The following F7 variants were observed in gnomAD, a reference collection of about 807,000 sequenced individuals.
F7 encodes FVII coagulation protein.
F7 carries 38 observed loss-of-function variants against 47.5 expected under a neutral mutation model. The ratio of observed to expected loss-of-function variants is 0.80; its 90% CI spans 0.62 to 1.05. The LOEUF (loss-of-function observed/expected upper bound fraction) is 1.05. Ranked by LOEUF, F7 falls within the 50% of genes least tolerant of loss-of-function variation. The probability of loss-of-function intolerance (pLI) is 0.00; values close to 1 mark genes in which losing one functional copy is unlikely to be tolerated. For synonymous variants in F7, 244 were observed against 258.5 expected (o/e 0.94, Z 0.54); for missense variants, 575 against 605.4 (o/e 0.95, Z 0.53).
chr13:113,116,502 C>T lies in F7; in HGVS notation c.506-264C>T, dbSNP rs546436216. 3.3e-5 allele frequency among the ~76,000 whole-genome samples: 5 copies of T among 152,382 alleles called. No homozygotes were observed. The East Asian group carries it at 9.6e-4, about 29-fold the overall frequency. ...AGAGGGCGGTTTTAAGACGTAAGCCCTCTGTTTCCTCCAAAACCAGCCCTG... is the reference window on the plus strand; with the variant it reads ...AGAGGGCGGTTTTAAGACGTAAGCCTTCTGTTTCCTCCAAAACCAGCCCTG... On this transcript the variant is annotated intron_variant, in intron 5 of 7. Coordinates refer to ENST00000346342, the MANE Select transcript of F7 (RefSeq NM_019616.4).
intron 2 of F7, 60 bp downstream of exon 2, chr13:113,110,910 C>A: frequency 6.6e-7 from 1 of 1,522,008 alleles, no homozygotes; most frequent in Non-Finnish European, 8.9e-7. Flanking sequence ...TGAACCAGGC[C>A]GCGTGGGGCC....
At chr13:113,114,469 A>C (rs2036159504) in intron 4 of F7, 1 of 189,990 alleles carries the variant, frequency 5.3e-6, no homozygotes, top group African/African-American at 2.4e-5. Flanking sequence ...TTATTACAGC[A>C]AAGGATGCAG....
chr13:113,117,042 G>A (rs1269917841), intron 6 of F7, 167 bp downstream of exon 6: 1 of 710,640 alleles, frequency 1.4e-6, no homozygotes, highest in African/African-American at 1.7e-5. Flanking sequence ...TGCTTTTAGT[G>A]GGGCAAGGAA....
At chr13:113,107,377 GC>G (rs1318408262) in intron 1 of F7, among the ~76,000 whole-genome samples, 8 of 27,602 alleles carry the variant, frequency 2.9e-4, no homozygotes, top group East Asian at 1.4e-3. Flanking sequence ...TGTCCCGGAG[GC>G]GAGGGTGTCC....
chr13:113,106,862 T>C, intron 1 of F7: 1 of 1,605,296 alleles, frequency 6.2e-7, no homozygotes, highest in Non-Finnish European at 8.5e-7. Flanking sequence ...CGCTAAGGCC[T>C]CAGGAGGAGA....
In F7 at chr13:113,113,666, A is replaced by T; in HGVS notation, c.226-86A>T. 2 of 1,402,524 alleles carry T rather than the reference A, an allele frequency of 1.4e-6. No homozygotes were observed. Among genetic ancestry groups the T allele is most frequent in the Non-Finnish European group, 2.0e-6 (2 of 988,452 alleles). 86.9% of individuals were successfully genotyped at this position (1,402,524 alleles called of 1,614,324 possible). A position where few individuals can be genotyped will look rare whatever the true frequency, so the allele number is the denominator to read the frequency against. ...GCCAGACCCAGGTCCAAGTCCCCCA[A>T]CCCCAGTTCATGGTGTGTCCAGTGC... On this transcript the variant is annotated intron_variant, in intron 2 of 7. Coordinates refer to ENST00000346342, the MANE Select transcript of F7 (RefSeq NM_019616.4). This position sits in a 1 kb window ranked among gnomAD's most constrained non-coding sequence, Gnocchi z 4.1.
rs1055418897 is a variant in F7 at position 113,119,072 on chromosome 13, C to T, written c.*64C>T. Reference sequence around the variant, plus strand: ...CGTCGAACTGTCCTGGCACCAAATCCCATATATTCTTCTGCAGTTAATGGG... The same window carrying T: ...CGTCGAACTGTCCTGGCACCAAATCTCATATATTCTTCTGCAGTTAATGGG... On this transcript the variant is annotated 3_prime_UTR_variant, in exon 8 of 8. Transcript: ENST00000346342. 1.3e-5 allele frequency: 20 copies of T among 1,490,378 alleles called. No individual in the cohort carries two copies. Among genetic ancestry groups the T allele is most frequent in the East Asian group, 9.1e-5 (4 of 43,896 alleles). 92.3% of individuals were successfully genotyped at this position (1,490,378 alleles called of 1,614,324 possible).
At chr13:113,110,621 C>A in intron 1 of F7, 69 bp from the exon 2 acceptor site, 1 of 1,534,450 alleles carries the variant, frequency 6.5e-7, no homozygotes, top group Non-Finnish European at 8.8e-7. Flanking sequence ...GCCGCGTGGG[C>A]CGTGGGGCGG....
At chr13:113,111,948 ACACCTCACAGAGGT>A (rs1202973344) in intron 2 of F7, among the ~76,000 whole-genome samples, 2 of 144,922 alleles carry the variant, frequency 1.4e-5, no homozygotes, top group Admixed American at 1.4e-4. Context: ...CACCCACAGG[ACACCTCACAGAGGT>A]CACCTCACAC....
At chr13:113,108,618 A>G (rs1342672095) in intron 1 of F7, among the ~76,000 whole-genome samples, 4 of 52,174 alleles carry the variant, frequency 7.7e-5, no homozygotes, top group Non-Finnish European at 1.1e-4. Context: ...GTGTCCCAGG[A>G]GTGTGGGTGT....
rs751290450 is a variant in F7 at position 113,119,000 on chromosome 13, T to A, written c.1327T>A (p.Phe443Ile). The A allele has an allele frequency of 5.0e-6, 8 of 1,599,382 alleles. No individual in the cohort carries two copies. The highest frequency in any genetic ancestry group is 6.8e-6 in the Non-Finnish European group (8 of 1,179,858). Residue 443 changes from phenylalanine (F) to isoleucine (I), a missense_variant, in exon 8 of 8, where the codon TTT (phenylalanine) becomes ATT (isoleucine). Phe to Ile is a conservative substitution (Grantham distance 21, BLOSUM62 0). Transcript: ENST00000346342. ...CCCAGGAGTCCTCCTGCGAGCCCCA[T>A]TTCCCTAGCCCAGCAGCCCTGGCCT... ...PRPGVLLRAP[F>I]P
At chr13:113,107,044 G>A (rs749696440) in intron 1 of F7, 9 of 1,013,632 alleles carry the variant, frequency 8.9e-6, no homozygotes, top group Admixed American at 2.1e-5. Flanking sequence ...TTCCCTGCTC[G>A]AGAGGAAGTG....
chr13:113,110,473 G>A (rs1263541690), intron 1 of F7: 2 of 570,792 alleles, frequency 3.5e-6, no homozygotes, highest in African/African-American at 4.0e-5. Context: ...ATCAGCCCCC[G>A]GAAGCAGAGA....
intron 1 of F7, among the ~76,000 whole-genome samples, chr13:113,109,126 G>A (rs1256105960): frequency 3.2e-5 from 3 of 93,584 alleles, no homozygotes; most frequent in African/African-American, 1.0e-4. Flanking sequence ...TGGGTGTCCC[G>A]GGGGCGTGGG....
chr13:113,108,805 G>A (rs1334513475), intron 1 of F7, among the ~76,000 whole-genome samples: 15 of 83,850 alleles, frequency 1.8e-4, no homozygotes, highest in East Asian at 1.3e-3. Flanking sequence ...GGTGTCCCGG[G>A]GGCGTGGGTG....
At chr13:113,110,493 G>C (rs375016045) in intron 1 of F7, 197 bp from the exon 2 acceptor site, 1 of 667,754 alleles carries the variant, frequency 1.5e-6, no homozygotes, top group Non-Finnish European at 2.4e-6. Flanking sequence ...AGGCCAGGCC[G>C]GGAAGGATGG....
Position 113,110,858 on chromosome 13 carries a change from C to A in F7, c.225+8C>A. On this transcript the variant is annotated splice_region_variant and intron_variant, in intron 2 of 7. Transcript: ENST00000346342. ...AAGGACGCGGAGAGGACGGTGAGCCCAGCCTCGGGGCGCCCCGCGCCGCGG... is the reference window on the plus strand; with the variant it reads ...AAGGACGCGGAGAGGACGGTGAGCCAAGCCTCGGGGCGCCCCGCGCCGCGG... 6.4e-7 allele frequency: 1 copy of A among 1,555,666 alleles called. No individual in the cohort carries two copies. Among genetic ancestry groups the A allele is most frequent in the Non-Finnish European group, 8.7e-7 (1 of 1,150,548 alleles).
chr13:113,113,831 C>G lies in F7; in HGVS notation c.251-16C>G, dbSNP rs1199657353. 6.2e-7 allele frequency: 1 copy of G among 1,614,220 alleles called. No individual in the cohort carries two copies. The highest frequency in any genetic ancestry group is 8.5e-7 in the Non-Finnish European group (1 of 1,180,042). On this transcript the variant is annotated splice_polypyrimidine_tract_variant and intron_variant, in intron 3 of 7. Coordinates refer to ENST00000346342, the MANE Select transcript of F7 (RefSeq NM_019616.4). This position sits in a 1 kb window ranked among gnomAD's most constrained non-coding sequence, Gnocchi z 4.1. ...TGCAACCCTTCTCAGCTTACTGACA[C>G]CAGCCCACTCCACAGATGGGGACCA...
rs2036247131 is a variant in F7, at chr13:113,118,802, T to C, written c.1129T>C (p.Ser377Pro). 1.2e-6 allele frequency: 2 copies of C among 1,613,132 alleles called. No individual in the cohort carries two copies. Among genetic ancestry groups the C allele is most frequent in the South Asian group, 1.1e-5 (1 of 91,068 alleles). Reference protein sequence around the residue: ...CAGYSDGSKDSCKGDSGGPHA... With the variant: ...CAGYSDGSKDPCKGDSGGPHA... ...CGGCTACTCGGATGGCAGCAAGGACTCCTGCAAGGGGGACAGTGGAGGCCC... is the reference window on the plus strand; with the variant it reads ...CGGCTACTCGGATGGCAGCAAGGACCCCTGCAAGGGGGACAGTGGAGGCCC... The change falls in exon 8 of 8, where the codon TCC becomes CCC. Residue 377 changes from serine to proline, a missense_variant. By Grantham distance (74) the Ser-to-Pro change is moderately conservative (BLOSUM62 -1). Coordinates refer to ENST00000346342, the MANE Select transcript of F7 (RefSeq NM_019616.4).
Sources: gnomAD v4.1 joint callset for allele counts (sites outside exome capture counted in the v4.1 genomes callset) on GRCh38, gnomAD v4.1.1 for gene constraint, Gnocchi (gnomAD v3.1) non-coding constraint, MANE v1.5 for transcripts, NCBI Gene and HGNC (gene_info 2026-07-23, HGNC 2026-07-21) for gene names.